Variants in PTPRA observed in about 807,000 individuals in gnomAD.
PTPRA encodes the protein protein tyrosine phosphatase receptor type A.
Under a neutral mutation model 104.8 loss-of-function variants are expected in PTPRA, and 25 were observed. The observed-to-expected ratio is 0.24, with a 90% CI of 0.17 to 0.33. The LOEUF (loss-of-function observed/expected upper bound fraction) is 0.33, where lower values mean the gene tolerates loss of function less well. Among genes scored for constraint, PTPRA ranks in the 10% least tolerant of loss-of-function variants. PTPRA has a pLI of 1.00. For missense variants in PTPRA, 765 were observed against 1,015.3 expected (o/e 0.75, Z 3.35); for synonymous variants, 323 against 368.9 (o/e 0.88, Z 1.43).
chr20:2,864,894 G>A, the PTPRA span: 7 of 1,581,992 alleles, frequency 4.4e-6, no homozygotes, highest in African/African-American at 1.3e-5. This position sits in a 1 kb window ranked among gnomAD's most constrained non-coding sequence, Gnocchi z 5.2. Context: ...TGGGCACAGG[G>A]ATGGGGGAGA....
intron 3 of PTPRA, among the ~76,000 whole-genome samples, chr20:2,948,918 C>T (rs936793078): frequency 2.0e-5 from 3 of 151,966 alleles, no homozygotes; most frequent in Admixed American, 6.6e-5. Context: ...CACCACTGCA[C>T]TCCAGCCTGG....
chr20:3,034,542 C>T (rs1377132896), intron 20 of PTPRA, among the ~76,000 whole-genome samples: 1 of 148,404 alleles, frequency 6.7e-6, no homozygotes, highest in Non-Finnish European at 1.5e-5. Context: ...CGAGGTGAGC[C>T]TTAATGAGAA....
chr20:3,022,568 T>C lies in PTPRA; in HGVS notation c.1329-121T>C. The C allele has an allele frequency of 7.1e-7, 1 of 1,400,522 alleles. No homozygotes were observed. Among genetic ancestry groups the C allele is most frequent in the Non-Finnish European group, 9.8e-7 (1 of 1,024,358 alleles). The allele number at this position is 1,400,522 out of a possible 1,614,324, so 86.8% of individuals were successfully genotyped here. A position where few individuals can be genotyped will look rare whatever the true frequency, so the allele number is the denominator to read the frequency against. ...GTTGGCTCCTGGAGAGCCCCAGCTCTACCCCATTCAGAATTAGGATTTAGA... is the reference window on the plus strand; with the variant it reads ...GTTGGCTCCTGGAGAGCCCCAGCTCCACCCCATTCAGAATTAGGATTTAGA... On this transcript the variant is annotated intron_variant, in intron 15 of 23. Coordinates refer to ENST00000399903, the MANE Select transcript of PTPRA (RefSeq NM_001385305.1). This position sits in a 1 kb window ranked among gnomAD's most constrained non-coding sequence, Gnocchi z 4.6.
intron 2 of PTPRA, among the ~76,000 whole-genome samples, chr20:2,939,980 G>T (rs376775151): frequency 2.6e-5 from 4 of 152,220 alleles, no homozygotes; most frequent in Non-Finnish European, 5.9e-5. Flanking sequence ...CATGGTGGGG[G>T]ACGCCTGTAA....
At chr20:2,883,971 C>A (rs899532914) in intron 1 of PTPRA, among the ~76,000 whole-genome samples, 11 of 152,296 alleles carry the variant, frequency 7.2e-5, no homozygotes, top group Admixed American at 3.9e-4. Flanking sequence ...CTGGACATTT[C>A]ATATAAATGA....
At chr20:2,906,289 TGTAACCA>T (rs2059425910) in intron 1 of PTPRA, among the ~76,000 whole-genome samples, 1 of 152,250 alleles carries the variant, frequency 6.6e-6, no homozygotes, top group African/African-American at 2.4e-5. Context: ...TACTTTTTCA[TGTAACCA>T]GTCAGCCCTG....
At chr20:2,957,163 T>C (rs1378463012) in intron 3 of PTPRA, among the ~76,000 whole-genome samples, 1 of 152,142 alleles carries the variant, frequency 6.6e-6, no homozygotes, top group African/African-American at 2.4e-5. Context: ...CGGGCACCTG[T>C]AGTCCCAGCT....
intron 2 of PTPRA, among the ~76,000 whole-genome samples, chr20:2,946,059 T>TTG (rs1006391901): frequency 1.3e-5 from 2 of 152,066 alleles, no homozygotes; most frequent in African/African-American, 4.8e-5. Context: ...TTGTGAATAT[T>TTG]TGGACTACAC....
chr20:2,958,844 C>CAGA (rs1164247922), intron 3 of PTPRA, among the ~76,000 whole-genome samples: 5 of 46,850 alleles, frequency 1.1e-4, no homozygotes, highest in African/African-American at 3.9e-4. Flanking sequence ...GAGACTGTAT[C>CAGA]AAAAAAAAAA....
chr20:2,946,678 T>C (rs1362394015), intron 2 of PTPRA, among the ~76,000 whole-genome samples: 3 of 151,810 alleles, frequency 2.0e-5, no homozygotes, highest in Middle Eastern at 3.2e-3. Flanking sequence ...TGAAACCCCA[T>C]CTCTACTAAA....
chr20:2,919,950 C>T (rs555156535), intron 1 of PTPRA, among the ~76,000 whole-genome samples: 1 of 152,254 alleles, frequency 6.6e-6, no homozygotes, highest in South Asian at 2.1e-4. Flanking sequence ...TTTACATGTT[C>T]ATAAATAAGG....
At chr20:2,929,922 T>C (rs2060447978) in intron 2 of PTPRA, among the ~76,000 whole-genome samples, 1 of 152,076 alleles carries the variant, frequency 6.6e-6, no homozygotes, top group Admixed American at 6.5e-5. Context: ...AAAAGGAAAT[T>C]TGTACACGCA....
chr20:2,911,700 A>G (rs1323680921), intron 1 of PTPRA, among the ~76,000 whole-genome samples: 2 of 152,220 alleles, frequency 1.3e-5, no homozygotes, highest in Non-Finnish European at 2.9e-5. Flanking sequence ...AGGGAATAAA[A>G]GTAAAATATA....
At chr20:2,948,265 C>G (rs1056422998) in intron 3 of PTPRA, among the ~76,000 whole-genome samples, 1 of 152,200 alleles carries the variant, frequency 6.6e-6, no homozygotes, top group African/African-American at 2.4e-5. Flanking sequence ...CCAAAAAATT[C>G]TGGTGAAATT....
chr20:3,005,788 T>C (rs1161831591), intron 10 of PTPRA, among the ~76,000 whole-genome samples: 3 of 152,022 alleles, frequency 2.0e-5, no homozygotes, highest in Non-Finnish European at 4.4e-5. Context: ...TGGTTTTTTG[T>C]GGTATTCATT....
chr20:2,884,046 A>G (rs1309931583), intron 1 of PTPRA, among the ~76,000 whole-genome samples: 1 of 152,176 alleles, frequency 6.6e-6, no homozygotes, highest in Non-Finnish European at 1.5e-5. Context: ...TCTGGGGTTC[A>G]TTCATGTTGT....
intron 1 of PTPRA, among the ~76,000 whole-genome samples, chr20:2,885,996 G>T (rs1394261310): frequency 6.6e-6 from 1 of 152,160 alleles, no homozygotes; most frequent in African/African-American, 2.4e-5. Context: ...CCCAGGAGGC[G>T]GAGGTTGCAG....
chr20:2,952,921 T>C (rs2147813489), intron 3 of PTPRA, among the ~76,000 whole-genome samples: 1 of 152,356 alleles, frequency 6.6e-6, no homozygotes, highest in South Asian at 2.1e-4. Flanking sequence ...CATTCCATCC[T>C]ATGTATATAC....
Position 3,022,189 on chromosome 20 carries a change from C to A in PTPRA, c.1297C>A (p.Gln433Lys). 1 of 1,614,222 alleles carries A rather than the reference C, an allele frequency of 6.2e-7. No homozygotes were observed. The highest frequency in any genetic ancestry group is 8.5e-7 in the Non-Finnish European group (1 of 1,180,024). ...CAAGAAGGTGAAGGCCTGTAACCCT[C>A]AGTATGCAGGGGCCATCGTGGTCCA... ...FLKKVKACNP[Q>K]YAGAIVVHCS... is the part of the protein sequence containing the mutation. Residue 433 changes from glutamine to lysine, a missense_variant, in exon 15 of 24, where the codon CAG (glutamine) becomes AAG (lysine). This residue lies in a region of PTPRA where 245 missense variants were observed against 398.7 expected (regional missense o/e 0.61). Transcript: ENST00000399903. This position sits in a 1 kb window ranked among gnomAD's most constrained non-coding sequence, Gnocchi z 4.6.
Sources: allele counts gnomAD v4.1 joint callset (sites outside exome capture counted in the v4.1 genomes callset), GRCh38; gene constraint gnomAD v4.1.1; regional missense constraint gnomAD v4.1.1; non-coding constraint Gnocchi (gnomAD v3.1); transcripts MANE v1.5; gene names NCBI Gene and HGNC (gene_info 2026-07-23, HGNC 2026-07-21).